Variants in FGGY observed in about 807,000 individuals in gnomAD.
FGGY encodes the protein FGGY carbohydrate kinase domain containing.
Under a neutral mutation model 71.3 loss-of-function variants are expected in FGGY, and 72 were observed. The observed-to-expected ratio is 1.01, with a 90% confidence interval of 0.84 to 1.23. The LOEUF (loss-of-function observed/expected upper bound fraction) is 1.23, where lower values mean the gene tolerates loss of function less well. Among genes scored for constraint, FGGY ranks in the 50% most tolerant of loss-of-function variants. The pLI is 0.00. For synonymous variants in FGGY, 251 were observed against 250.3 expected, an observed-to-expected ratio of 1.00 and a Z score of -0.02; for missense variants, 668 against 682.3, an observed-to-expected ratio of 0.98 and a Z score of 0.23.
chr1:59,483,125 T>C (rs1017790525), intron 6 of FGGY, among the ~76,000 whole-genome samples: 1 of 152,162 alleles, frequency 6.6e-6, no homozygotes, highest in African/African-American at 2.4e-5. Context: ...TGTTACATCC[T>C]GGAGGGTCAG....
intron 6 of FGGY, among the ~76,000 whole-genome samples, chr1:59,507,368 A>T (rs1483563627): frequency 1.3e-5 from 2 of 152,252 alleles, no homozygotes; most frequent in African/African-American, 4.8e-5. Context: ...TGAAGTTACA[A>T]ACGGACACCT....
intron 5 of FGGY, among the ~76,000 whole-genome samples, chr1:59,401,512 G>C (rs1184181938): frequency 6.6e-6 from 1 of 152,172 alleles, no homozygotes; most frequent in Non-Finnish European, 1.5e-5. Flanking sequence ...TGATTTTGGT[G>C]AACATTGTTG....
intron 6 of FGGY, among the ~76,000 whole-genome samples, chr1:59,461,185 T>A (rs2092177038): frequency 6.6e-6 from 1 of 152,112 alleles, no homozygotes; most frequent in Non-Finnish European, 1.5e-5. Flanking sequence ...AAAGATTAGA[T>A]GAATAGCTAA....
chr1:59,384,358 C>G (rs1210772753), intron 5 of FGGY, among the ~76,000 whole-genome samples: 1 of 152,150 alleles, frequency 6.6e-6, no homozygotes, highest in African/African-American at 2.4e-5. Flanking sequence ...CCTTGGCCCA[C>G]TTACAGCTTG....
At chr1:59,558,214 A>T (rs2095722995) in intron 8 of FGGY, among the ~76,000 whole-genome samples, 1 of 152,244 alleles carries the variant, frequency 6.6e-6, no homozygotes, top group Non-Finnish European at 1.5e-5. Context: ...ACCAAATATG[A>T]TATTGTTATT....
intron 5 of FGGY, among the ~76,000 whole-genome samples, chr1:59,384,949 T>G (rs1253329278): frequency 6.6e-6 from 1 of 152,116 alleles, no homozygotes; most frequent in East Asian, 1.9e-4. Context: ...AGATTGAAAT[T>G]TGGTGTTTAT....
chr1:59,578,643 G>T (rs1160538334), intron 8 of FGGY, among the ~76,000 whole-genome samples: 1 of 151,986 alleles, frequency 6.6e-6, no homozygotes, highest in Non-Finnish European at 1.5e-5. Flanking sequence ...GAAGAGTGTA[G>T]GAATACAGTG....
chr1:59,409,350 C>T (rs1338396619), intron 5 of FGGY, among the ~76,000 whole-genome samples: 1 of 152,094 alleles, frequency 6.6e-6, no homozygotes, highest in African/African-American at 2.4e-5. Context: ...GGGGCCTGGC[C>T]TGTGGATGGT....
intron 12 of FGGY, among the ~76,000 whole-genome samples, chr1:59,662,760 A>C (rs2097289096): frequency 6.6e-6 from 1 of 152,206 alleles, no homozygotes; most frequent in Non-Finnish European, 1.5e-5. Context: ...CATACTATAT[A>C]TAGCCTAGGT....
chr1:59,537,378 C>T (rs1470221535), intron 7 of FGGY, among the ~76,000 whole-genome samples: 3 of 152,210 alleles, frequency 2.0e-5, no homozygotes, highest in African/African-American at 7.2e-5. Flanking sequence ...ACATTCCATG[C>T]TCGTGGATAG....
chr1:59,326,464 G>T (rs575624053), intron 2 of FGGY, among the ~76,000 whole-genome samples: 1 of 152,260 alleles, frequency 6.6e-6, no homozygotes, highest in Admixed American at 6.5e-5. Context: ...ATTTTCATTT[G>T]ATTGCTATTG....
chr1:59,421,300 G>T (rs980044278), intron 5 of FGGY, among the ~76,000 whole-genome samples: 3 of 152,150 alleles, frequency 2.0e-5, no homozygotes, highest in African/African-American at 7.2e-5. Flanking sequence ...GCTATATGAT[G>T]ATATTAAGGA....
chr1:59,671,233 C>G (rs752985551), intron 13 of FGGY, among the ~76,000 whole-genome samples: 10 of 152,182 alleles, frequency 6.6e-5, no homozygotes, highest in Non-Finnish European at 1.0e-4. Flanking sequence ...CGGTGTCAGT[C>G]AGGTCCAGGC....
chr1:59,619,375 A>C (rs1005101640), intron 9 of FGGY, among the ~76,000 whole-genome samples: 2 of 152,108 alleles, frequency 1.3e-5, no homozygotes, highest in Non-Finnish European at 2.9e-5. Flanking sequence ...GGTATAAGTT[A>C]TTAAGACAAA....
chr1:59,646,853 GA>G (rs2097099874), intron 11 of FGGY, among the ~76,000 whole-genome samples: 3 of 152,222 alleles, frequency 2.0e-5, no homozygotes, highest in South Asian at 2.1e-4. Context: ...TGGGGAAAAA[GA>G]AAAATAAAAA....
At chr1:59,656,859 C>G (rs1341126589) in intron 11 of FGGY, among the ~76,000 whole-genome samples, 2 of 152,168 alleles carry the variant, frequency 1.3e-5, no homozygotes, top group African/African-American at 4.8e-5. Flanking sequence ...TTTGCCATAG[C>G]TGCTAGCAAG....
intron 14 of FGGY, among the ~76,000 whole-genome samples, chr1:59,687,798 G>A (rs2097557265): frequency 6.6e-6 from 1 of 152,016 alleles, no homozygotes; most frequent in East Asian, 1.9e-4. Context: ...AATTCCTCCT[G>A]TTCAAAGACC....
At chr1:59,352,153 A>G (rs561381640) in intron 4 of FGGY, among the ~76,000 whole-genome samples, 1 of 152,298 alleles carries the variant, frequency 6.6e-6, no homozygotes, top group East Asian at 1.9e-4. Context: ...TGAAGGCCAA[A>G]TGTAAATTAA....
Position 59,554,241 on chromosome 1 carries a change from G to T in FGGY, c.903+14G>T. On this transcript the variant is annotated intron_variant, in intron 8 of 15. Coordinates refer to ENST00000303721, the MANE Select transcript of FGGY (RefSeq NM_018291.5). Reference sequence around the variant, plus strand: ...TGTCACATGGGGGTGAGTCCACTGAGCACAAAGGCAAGGCCACCACACAGC... The same window carrying T: ...TGTCACATGGGGGTGAGTCCACTGATCACAAAGGCAAGGCCACCACACAGC... 1 of 1,604,460 alleles carries T rather than the reference G, an allele frequency of 6.2e-7. No homozygotes were observed. Among genetic ancestry groups the T allele is most frequent in the Non-Finnish European group, 8.5e-7 (1 of 1,172,414 alleles).
Sources: gnomAD v4.1 joint callset for allele counts (sites outside exome capture counted in the v4.1 genomes callset) on GRCh38, gnomAD v4.1.1 for gene constraint, MANE v1.5 for transcripts, NCBI Gene and HGNC (gene_info 2026-07-23, HGNC 2026-07-21) for gene names.